Variants in ADAMTS12 observed in about 807,000 individuals in gnomAD.
ADAMTS12 encodes ADAM metallopeptidase with thrombospondin type 1 motif 12.
In ADAMTS12, 118 loss-of-function variants were observed where a neutral mutation model predicts 167.8. The observed-to-expected ratio is 0.70, with a 90% CI of 0.61 to 0.82. The LOEUF (loss-of-function observed/expected upper bound fraction) is 0.82, where lower values mean the gene tolerates loss of function less well. ADAMTS12 is among the 40% of genes least tolerant of loss of function. The pLI is 0.00. For missense variants in ADAMTS12, 1,916 were observed against 1,998.8 expected, an observed-to-expected ratio of 0.96 and a Z score of 0.79; for synonymous variants, 704 against 716.9, an observed-to-expected ratio of 0.98 and a Z score of 0.29.
chr5:33,785,873 T>C (rs1336198755), intron 2 of ADAMTS12, among the ~76,000 whole-genome samples: 1 of 152,186 alleles, frequency 6.6e-6, no homozygotes, highest in Non-Finnish European at 1.5e-5. Context: ...CAAATATTCA[T>C]AGCAGCATTA....
intron 2 of ADAMTS12, among the ~76,000 whole-genome samples, chr5:33,787,845 G>C (rs754363869): frequency 4.6e-5 from 7 of 152,108 alleles, no homozygotes; most frequent in Admixed American, 3.9e-4. Flanking sequence ...AGTAAAGCAC[G>C]ATAGGAAATG....
At chr5:33,765,484 A>G (rs1266360634) in intron 2 of ADAMTS12, among the ~76,000 whole-genome samples, 1 of 152,220 alleles carries the variant, frequency 6.6e-6, no homozygotes, top group Non-Finnish European at 1.5e-5. Context: ...GTTTTTAAAA[A>G]ATAATTTCAT....
In ADAMTS12 at chr5:33,649,491, A is replaced by T. The variant is rs1322814988; in HGVS notation, c.1334+63T>A. On this transcript the variant is annotated intron_variant, in intron 8 of 23. Coordinates refer to ENST00000504830, the MANE Select transcript of ADAMTS12 (RefSeq NM_030955.4). ...CCAGGCATCAGCTTCTCTGTGTAAA[A>T]CTCAATGCAGCTTCCAATTTAAAGA... 4.4e-6 allele frequency: 7 copies of T among 1,578,466 alleles called. No individual in the cohort carries two copies. The Admixed American group carries it at 1.0e-4, about 23-fold the overall frequency.
intron 2 of ADAMTS12, among the ~76,000 whole-genome samples, chr5:33,796,036 T>C (rs1384715973): frequency 2.0e-5 from 3 of 152,250 alleles, no homozygotes; most frequent in Admixed American, 1.3e-4. Context: ...CCCAAAGATG[T>C]GTGTGCAACA....
chr5:33,830,770 C>T (rs185000890), intron 2 of ADAMTS12, among the ~76,000 whole-genome samples: 1 of 152,136 alleles, frequency 6.6e-6, no homozygotes, highest in East Asian at 1.9e-4. Context: ...CCAGCCTAGG[C>T]AACACAGCAA....
intron 5 of ADAMTS12, among the ~76,000 whole-genome samples, chr5:33,678,931 T>C (rs375771893): frequency 6.6e-6 from 1 of 152,150 alleles, no homozygotes; most frequent in Admixed American, 6.5e-5. Context: ...GATGGTCAGA[T>C]AAATGGTCAG....
intron 19 of ADAMTS12, among the ~76,000 whole-genome samples, chr5:33,573,368 A>G (rs1746494822): frequency 6.6e-6 from 1 of 152,252 alleles, no homozygotes; most frequent in African/African-American, 2.4e-5. Context: ...GGCTACAGTA[A>G]TCAAAACAGC....
chr5:33,770,847 TC>T (rs1745711826), intron 2 of ADAMTS12, among the ~76,000 whole-genome samples: 4 of 150,790 alleles, frequency 2.7e-5, no homozygotes, highest in South Asian at 2.1e-4. Context: ...CCCCTCCTCC[TC>T]CTCTTCCTCC....
chr5:33,556,270 ATCTGATTCCAAG>A (rs1561123289), intron 20 of ADAMTS12, among the ~76,000 whole-genome samples: 1 of 152,200 alleles, frequency 6.6e-6, no homozygotes, highest in African/African-American at 2.4e-5. Flanking sequence ...TGCCAGATAC[ATCTGATTCCAAG>A]TCAGACCCCT....
intron 3 of ADAMTS12, among the ~76,000 whole-genome samples, chr5:33,742,330 T>G (rs1247473423): frequency 7.4e-6 from 1 of 134,760 alleles, no homozygotes. Context: ...TCCTTCCCCG[T>G]AAAAAAAAAA....
At chr5:33,649,048 C>G in intron 8 of ADAMTS12, 82 bp from the exon 9 acceptor site, 1 of 1,525,568 alleles carries the variant, frequency 6.6e-7, no homozygotes, top group South Asian at 1.2e-5. Context: ...AAACTTCCCT[C>G]TGGTTTACTC....
intron 2 of ADAMTS12, among the ~76,000 whole-genome samples, chr5:33,866,245 A>G (rs113937883): frequency 6.8e-4 from 103 of 152,326 alleles, no homozygotes; most frequent in African/African-American, 2.4e-3. Context: ...AAAAATAGAT[A>G]CATAGGCCAA....
intron 3 of ADAMTS12, among the ~76,000 whole-genome samples, chr5:33,705,303 G>T (rs1377639848): frequency 6.7e-6 from 1 of 148,650 alleles, no homozygotes; most frequent in African/African-American, 2.5e-5. Context: ...GTGTGTGTGT[G>T]CGTGTATACA....
chr5:33,791,485 A>G (rs943390750), intron 2 of ADAMTS12, among the ~76,000 whole-genome samples: 2 of 152,188 alleles, frequency 1.3e-5, no homozygotes, highest in African/African-American at 4.8e-5. Context: ...TTTAACAAAA[A>G]CAAGGACTAC....
chr5:33,551,264 C>T (rs910285514), intron 20 of ADAMTS12, among the ~76,000 whole-genome samples: 6 of 152,066 alleles, frequency 3.9e-5, no homozygotes, highest in African/African-American at 1.4e-4. Context: ...AAACATTGGT[C>T]TGTATTTTGG....
intron 3 of ADAMTS12, among the ~76,000 whole-genome samples, chr5:33,686,038 A>G (rs944033810): frequency 1.3e-5 from 2 of 152,166 alleles, no homozygotes; most frequent in Admixed American, 1.3e-4. Context: ...TCCTGTCAAC[A>G]TGGATTCGGT....
chr5:33,809,935 G>A (rs975715532), intron 2 of ADAMTS12, among the ~76,000 whole-genome samples: 1 of 148,000 alleles, frequency 6.8e-6, no homozygotes, highest in Non-Finnish European at 1.5e-5. Flanking sequence ...GCTTAGCACT[G>A]GAGTACCAAA....
chr5:33,557,097 G>A (rs1745518351), intron 20 of ADAMTS12, among the ~76,000 whole-genome samples: 1 of 152,156 alleles, frequency 6.6e-6, no homozygotes. Context: ...TAAAACAATT[G>A]CAATCCAGAC....
At chr5:33,852,649 A>G (rs962013670) in intron 2 of ADAMTS12, among the ~76,000 whole-genome samples, 5 of 152,248 alleles carry the variant, frequency 3.3e-5, no homozygotes, top group African/African-American at 4.8e-5. Flanking sequence ...TGCAAGTTAG[A>G]GAAACGGTCT....
Sources: gnomAD v4.1 joint callset for allele counts (sites outside exome capture counted in the v4.1 genomes callset) on GRCh38, gnomAD v4.1.1 for gene constraint, MANE v1.5 for transcripts, NCBI Gene and HGNC (gene_info 2026-07-23, HGNC 2026-07-21) for gene names.